ADGRF1: variants seen among roughly 807,000 people sequenced by gnomAD.
ADGRF1 encodes the protein G protein-coupled receptor 110.
A neutral mutation model predicts 87.2 loss-of-function variants in ADGRF1; 85 were observed. The ratio of observed to expected loss-of-function variants is 0.97; its 90% CI spans 0.82 to 1.17. The LOEUF (loss-of-function observed/expected upper bound fraction) is 1.17. ADGRF1 is among the 50% of genes most tolerant of loss of function. ADGRF1 has a pLI of 0.00. For synonymous variants in ADGRF1, 430 were observed against 408.8 expected, an observed-to-expected ratio of 1.05 and a Z score of -0.63; for missense variants, 1,169 against 1,077.2, an observed-to-expected ratio of 1.09 and a Z score of -1.19.
chr6:47,000,950 A>G (rs1470355966), intron 14 of ADGRF1, among the ~76,000 whole-genome samples: 1 of 152,234 alleles, frequency 6.6e-6, no homozygotes, highest in African/African-American at 2.4e-5. Flanking sequence ...CTGGTCTTGC[A>G]GTTGCTCAAT....
intron 1 of ADGRF1, among the ~76,000 whole-genome samples, chr6:47,033,022 T>C (rs764542114): frequency 6.6e-6 from 1 of 152,236 alleles, no homozygotes; most frequent in Non-Finnish European, 1.5e-5. Context: ...GGTATTTTCA[T>C]CGCTTCCCTT....
chr6:47,005,647 A>G (rs940190353), intron 13 of ADGRF1, among the ~76,000 whole-genome samples, 170 bp downstream of exon 13: 2 of 152,024 alleles, frequency 1.3e-5, no homozygotes, highest in South Asian at 2.1e-4. Flanking sequence ...TCACTCAACA[A>G]CTCTTTACTA....
At chr6:47,040,492 A>AT (rs947594418) in intron 1 of ADGRF1, among the ~76,000 whole-genome samples, 11 of 152,120 alleles carry the variant, frequency 7.2e-5, no homozygotes, top group African/African-American at 2.7e-4. Context: ...ATAAAATAAA[A>AT]AAAAAAACAG....
intron 7 of ADGRF1, chr6:47,018,685 G>T: frequency 1.0e-6 from 1 of 1,000,496 alleles, no homozygotes; most frequent in African/African-American, 1.7e-5. Flanking sequence ...GCCAAGGTGT[G>T]TGGGTCATTT....
In ADGRF1 at chr6:46,999,337, A is replaced by C. The variant is rs1395218101; in HGVS notation, c.*885T>G. On this transcript the variant is annotated 3_prime_UTR_variant, in exon 15 of 15. Transcript: ENST00000371253. ...CTTACATAGAATTCTGGGAATGGTGAACTGTGTAACTGACCTCAGAAAGAT... is the reference window on the plus strand; with the variant it reads ...CTTACATAGAATTCTGGGAATGGTGCACTGTGTAACTGACCTCAGAAAGAT... 3 of 152,224 alleles carry C rather than the reference A, an allele frequency of 2.0e-5. No individual in the cohort carries two copies. Among genetic ancestry groups the C allele is most frequent in the African/African-American group, 7.2e-5 (3 of 41,452 alleles). 9.4% of individuals were successfully genotyped at this position (152,224 alleles called of 1,614,324 possible).
chr6:47,012,696 A>T (rs928364995), intron 9 of ADGRF1: 1 of 985,614 alleles, frequency 1.0e-6, no homozygotes, highest in Non-Finnish European at 1.2e-6. Flanking sequence ...GCGTTGTAAG[A>T]TGGGAAGAGA....
At chr6:47,013,613 C>G in intron 9 of ADGRF1, 3 of 985,410 alleles carry the variant, frequency 3.0e-6, no homozygotes, top group Non-Finnish European at 3.6e-6. Flanking sequence ...TCTTACTTGT[C>G]TTAATACTTG....
intron 3 of ADGRF1, among the ~76,000 whole-genome samples, chr6:47,027,215 G>T (rs903233608): frequency 6.6e-6 from 1 of 152,180 alleles, no homozygotes; most frequent in African/African-American, 2.4e-5. Context: ...TCCCAAAGAA[G>T]TATAGCCTTG....
At chr6:47,016,791 G>A (rs1779894252) in intron 7 of ADGRF1, 23 bp from the exon 8 acceptor site, 4 of 1,555,060 alleles carry the variant, frequency 2.6e-6, no homozygotes, top group Admixed American at 3.6e-5. Flanking sequence ...TGGGGAAAGA[G>A]AAATGAGATT....
intron 2 of ADGRF1, among the ~76,000 whole-genome samples, chr6:47,028,517 T>C (rs1780312450): frequency 6.6e-6 from 1 of 152,050 alleles, no homozygotes; most frequent in Admixed American, 6.5e-5. Flanking sequence ...AAATAACACG[T>C]AGGTAATGGA....
Position 47,021,510 on chromosome 6 carries a change from T to A in ADGRF1, c.552+448A>T, listed in dbSNP as rs1780050430. On this transcript the variant is annotated intron_variant, in intron 6 of 14. Coordinates refer to ENST00000371253, the MANE Select transcript of ADGRF1 (RefSeq NM_153840.4). ...GAGTATCTGGGATTACAGGTGTATG[T>A]CACTATGCCCTGCTAATTTTTGTGT... is the stretch of plus-strand genomic sequence containing the variant. 2.6e-5 allele frequency among the ~76,000 whole-genome samples: 4 copies of A among 152,132 alleles called. No homozygotes were observed. In the South Asian group the frequency reaches 8.3e-4, roughly 32 times the overall value.
rs1253744065 is a variant in ADGRF1, at chr6:46,999,947, G to A, written c.*275C>T. The A allele has an allele frequency of 3.6e-6, 1 of 279,434 alleles. No individual in the cohort carries two copies. Among genetic ancestry groups the A allele is most frequent in the Non-Finnish European group, 6.8e-6 (1 of 147,946 alleles). 17.3% of individuals were successfully genotyped at this position (279,434 alleles called of 1,614,324 possible). The stretch of plus-strand genomic sequence containing the variant: ...TATGAAAATAGAAACCATATTTTAT[G>A]GTCAGGGTACAACTGACACGATTTC... On this transcript the variant is annotated 3_prime_UTR_variant, in exon 15 of 15. Transcript: ENST00000371253.
At position 47,009,585 on chromosome 6, in the gene ADGRF1, C is replaced by CT. The variant is rs1344904964; in HGVS notation, c.1849dup (p.Ser617LysfsTer22). ...AATACGACGTGTGTGAGAGGTTTGG[C>CT]TTTTTTTAATCTGCTTCCAAAACAA... On this transcript the variant is annotated frameshift_variant, in exon 11 of 15. Coordinates refer to ENST00000371253, the MANE Select transcript of ADGRF1 (RefSeq NM_153840.4). LOFTEE classifies it high-confidence loss of function. The CT allele has an allele frequency of 3.7e-6, 6 of 1,614,102 alleles. No individual in the cohort carries two copies. The highest frequency in any genetic ancestry group is 5.1e-6 in the Non-Finnish European group (6 of 1,180,002).
intron 1 of ADGRF1, among the ~76,000 whole-genome samples, chr6:47,041,365 C>A (rs1298504117): frequency 6.6e-6 from 1 of 152,032 alleles, no homozygotes; most frequent in Non-Finnish European, 1.5e-5. Context: ...ATGCTATTAT[C>A]AAGTTGAGCT....
chr6:47,016,785 GA>G lies in ADGRF1; in HGVS notation c.612-18del. On this transcript the variant is annotated intron_variant, in intron 7 of 14. Coordinates refer to ENST00000371253, the MANE Select transcript of ADGRF1 (RefSeq NM_153840.4). ...CTTCCATTTCTGCAGTGATTATGGG[GA>G]AAGAGAAATGAGATTCACTACTTAT... 6.4e-7 allele frequency: 1 copy of G among 1,559,030 alleles called. No homozygotes were observed.
rs1779315773 is a variant in ADGRF1, at chr6:46,999,964, CA to C, written c.*257del. 1 of 381,700 alleles carries C rather than the reference CA, an allele frequency of 2.6e-6. No individual in the cohort carries two copies. Among genetic ancestry groups the C allele is most frequent in the South Asian group, 3.8e-5 (1 of 26,328 alleles). 23.6% of individuals were successfully genotyped at this position (381,700 alleles called of 1,614,324 possible). On this transcript the variant is annotated 3_prime_UTR_variant, in exon 15 of 15. Coordinates refer to ENST00000371253, the MANE Select transcript of ADGRF1 (RefSeq NM_153840.4). ...TATTTTATGGTCAGGGTACAACTGA[CA>C]CGATTTCCAACAAAACCTACTCTTC...
intron 14 of ADGRF1, among the ~76,000 whole-genome samples, 173 bp from the exon 15 acceptor site, chr6:47,000,468 C>T (rs1295991448): frequency 6.6e-6 from 1 of 151,994 alleles, no homozygotes; most frequent in Non-Finnish European, 1.5e-5. Context: ...TCACCAACAC[C>T]CCAGAGGCTT....
intron 5 of ADGRF1, among the ~76,000 whole-genome samples, 165 bp downstream of exon 5, chr6:47,023,879 T>C (rs1392475128): frequency 6.6e-6 from 1 of 152,228 alleles, no homozygotes; most frequent in Non-Finnish European, 1.5e-5. Context: ...TTCTGTACTA[T>C]GAAAGTTCTC....
intron 2 of ADGRF1, 76 bp downstream of exon 2, chr6:47,028,917 G>A (rs2113902923): frequency 9.0e-7 from 1 of 1,107,050 alleles, no homozygotes; most frequent in East Asian, 2.3e-5. Context: ...CCCCTAGAGA[G>A]TGAGGGGTTC....
Sources: allele counts gnomAD v4.1 joint callset (sites outside exome capture counted in the v4.1 genomes callset), GRCh38; gene constraint gnomAD v4.1.1; transcripts MANE v1.5; gene names NCBI Gene and HGNC (gene_info 2026-07-23, HGNC 2026-07-21).